Variants in PRTG observed in about 807,000 individuals in gnomAD.
PRTG encodes the protein immunoglobulin superfamily, DCC subclass, member 5.
Under a neutral mutation model 122.5 loss-of-function variants are expected in PRTG, and 67 were observed. The ratio of observed to expected loss-of-function variants is 0.55; its 90% CI spans 0.45 to 0.67. The LOEUF (loss-of-function observed/expected upper bound fraction) is 0.67. Among genes scored for constraint, PRTG ranks in the 30% least tolerant of loss-of-function variants. PRTG has a pLI of 0.00. For missense variants in PRTG, 1,435 were observed against 1,415.4 expected (o/e 1.01, Z -0.22); for synonymous variants, 554 against 501.1 (o/e 1.11, Z -1.41).
At chr15:55,682,729 A>C (rs987087594) in intron 3 of PRTG, among the ~76,000 whole-genome samples, 4 of 151,676 alleles carry the variant, frequency 2.6e-5, no homozygotes, top group Non-Finnish European at 5.9e-5. Context: ...TGCCCAGCTG[A>C]TTTCTGTATT....
At chr15:55,705,022 T>C (rs1384711279) in intron 2 of PRTG, among the ~76,000 whole-genome samples, 1 of 152,248 alleles carries the variant, frequency 6.6e-6, no homozygotes, top group East Asian at 1.9e-4. Context: ...ATATCATATG[T>C]ACATTAACTG....
Position 55,615,379 on chromosome 15 carries a change from T to C in PRTG, c.*4633A>G, listed in dbSNP as rs1249976931. 1.3e-5 allele frequency: 2 copies of C among 152,108 alleles called. No individual in the cohort carries two copies. The highest frequency in any genetic ancestry group is 1.5e-5 in the Non-Finnish European group (1 of 67,982). 9.4% of individuals were successfully genotyped at this position (152,108 alleles called of 1,614,324 possible). ...ATCTGGTAAAAATACAAGACTGTCA[T>C]GTTAATCTTAAACACCATCAACGGC... On this transcript the variant is annotated 3_prime_UTR_variant, in exon 20 of 20. Coordinates refer to ENST00000389286, the MANE Select transcript of PRTG (RefSeq NM_173814.6).
chr15:55,677,993 G>A lies in PRTG; in HGVS notation c.1185C>T (p.Cys395=). ...IIPEDDAIYQ[C]MAENSQGSIL... is the part of the protein sequence containing the mutation. ...TAGATCCTTGGCTATTCTCAGCCAT[G>A]CACTGATAAATAGCATCATCTTCAG... Residue 395 remains cysteine (C), a synonymous_variant, in exon 8 of 20, where the codon TGC becomes TGT. Transcript: ENST00000389286. The A allele has an allele frequency of 6.2e-7, 1 of 1,605,470 alleles. No homozygotes were observed.
chr15:55,678,720 A>T (rs1340361496), intron 7 of PRTG, among the ~76,000 whole-genome samples: 4 of 152,174 alleles, frequency 2.6e-5, no homozygotes, highest in Admixed American at 2.0e-4. Context: ...TTATTTTTTT[A>T]AATTTGGCTC....
At chr15:55,691,106 C>T (rs971810377) in intron 2 of PRTG, among the ~76,000 whole-genome samples, 9 of 152,012 alleles carry the variant, frequency 5.9e-5, no homozygotes, top group African/African-American at 2.2e-4. Flanking sequence ...ACCAACCTGG[C>T]CAACGTGATG....
chr15:55,641,339 A>G, intron 11 of PRTG, 131 bp from the exon 12 acceptor site: 1 of 618,358 alleles, frequency 1.6e-6, no homozygotes, highest in Non-Finnish European at 2.9e-6. Flanking sequence ...ATATAAAATT[A>G]CTGCTCATTG....
chr15:55,686,115 TC>T (rs2059568872), intron 2 of PRTG, among the ~76,000 whole-genome samples: 1 of 152,198 alleles, frequency 6.6e-6, no homozygotes, highest in Non-Finnish European at 1.5e-5. Context: ...CAACCTGATT[TC>T]TCAATAATCA....
At chr15:55,673,785 A>G in intron 9 of PRTG, 109 bp from the exon 10 acceptor site, 1 of 824,778 alleles carries the variant, frequency 1.2e-6, no homozygotes. Flanking sequence ...AAGAAGAGAC[A>G]CTTTCAGCCC....
At chr15:55,726,289 C>G (rs1481733726) in intron 2 of PRTG, among the ~76,000 whole-genome samples, 1 of 152,054 alleles carries the variant, frequency 6.6e-6, no homozygotes, top group Non-Finnish European at 1.5e-5. Flanking sequence ...GTGGGCCAGG[C>G]TGGTCTCGAA....
intron 3 of PRTG, 52 bp from the exon 4 acceptor site, chr15:55,682,549 T>TTTATTTA: frequency 2.4e-6 from 1 of 409,808 alleles, no homozygotes; most frequent in Non-Finnish European, 3.6e-6. Flanking sequence ...TCATATTTTA[T>TTTATTTA]TTATTTATTT....
rs376726279 is a variant in PRTG, at chr15:55,740,506, G to C, written c.273C>G (p.Gly91=). The change falls in exon 2 of 20, where the codon GGC becomes GGG. Residue 91 remains glycine, a synonymous_variant. Transcript: ENST00000389286. ...CTTCCACCTCACTGATGTATAAAGAGCCGTTAGAAAGAACCTCGATCCGTT... is the reference window on the plus strand; with the variant it reads ...CTTCCACCTCACTGATGTATAAAGACCCGTTAGAAAGAACCTCGATCCGTT... ...ENKRIEVLSN[G]SLYISEVEGR... is the part of the protein sequence containing the mutation. 2.5e-6 allele frequency: 4 copies of C among 1,614,032 alleles called. No individual in the cohort carries two copies. The South Asian group carries it at 4.4e-5, about 18-fold the overall frequency.
At chr15:55,635,075 G>GTGTGTGTGTGTGTGTA (rs1491171277) in intron 15 of PRTG, among the ~76,000 whole-genome samples, 2 of 87,458 alleles carry the variant, frequency 2.3e-5, no homozygotes, top group African/African-American at 1.0e-4. Flanking sequence ...TTGGTTCTGG[G>GTGTGTGTGTGTGTGTA]TGTGTGTGTG....
rs767655526 is a variant in PRTG at position 55,625,515 on chromosome 15, G to A, written c.2928-1008C>T. On this transcript the variant is annotated intron_variant, in intron 17 of 19. Coordinates refer to ENST00000389286, the MANE Select transcript of PRTG (RefSeq NM_173814.6). ...TGCCCAGGGTGGAGTGCAGTGCTAC[G>A]ATCATAGCTCACTGTAACCTCAAAC... Among the ~76,000 whole-genome samples, 9 of 151,524 alleles carry A rather than the reference G, an allele frequency of 5.9e-5. No individual in the cohort carries two copies. In the East Asian group the frequency reaches 1.4e-3, roughly 23 times the overall value.
intron 2 of PRTG, among the ~76,000 whole-genome samples, chr15:55,720,256 G>A (rs2030763478): frequency 6.6e-6 from 1 of 151,466 alleles, no homozygotes. Flanking sequence ...GGGAGGCTGG[G>A]GCAGGGAGAA....
intron 2 of PRTG, among the ~76,000 whole-genome samples, chr15:55,707,252 A>G (rs778550208): frequency 7.9e-5 from 12 of 152,220 alleles, no homozygotes; most frequent in South Asian, 2.1e-4. Context: ...CCTAAGGTTA[A>G]GAACATTTAA....
In PRTG at chr15:55,627,051, T is replaced by C. The variant is rs764188349; in HGVS notation, c.2884A>G (p.Ile962Val). The change falls in exon 17 of 20, where the codon ATC (isoleucine) becomes GTC (valine). Residue 962 changes from isoleucine to valine, a missense_variant. Ile to Val is a conservative substitution (Grantham distance 29). Coordinates refer to ENST00000389286, the MANE Select transcript of PRTG (RefSeq NM_173814.6). ...ATCAAGATGAGAACACAGATGAGGA[T>C]GCAGGTCAAGGCTATGCCAACACCT... Reference protein sequence around the residue: ...AVGVGIALTCILICVLILIYR... With the variant: ...AVGVGIALTCVLICVLILIYR... The C allele has an allele frequency of 1.2e-6, 2 of 1,612,858 alleles. No individual in the cohort carries two copies. The highest frequency in any genetic ancestry group is 8.5e-7 in the Non-Finnish European group (1 of 1,179,300).
chr15:55,672,745 C>T (rs776844896), intron 10 of PRTG, 112 bp from the exon 11 acceptor site: 17 of 699,932 alleles, frequency 2.4e-5, no homozygotes, highest in Non-Finnish European at 3.8e-5. Context: ...AGGTTCAATC[C>T]AAAAATTATA....
Position 55,679,306 on chromosome 15 carries a change from A to ACC in PRTG, c.1111_1112dup (p.Arg372ValfsTer11). 1 of 1,612,280 alleles carries ACC rather than the reference A, an allele frequency of 6.2e-7. No individual in the cohort carries two copies. Among genetic ancestry groups the ACC allele is most frequent in the Non-Finnish European group, 8.5e-7 (1 of 1,178,508 alleles). On this transcript the variant is annotated frameshift_variant, in exon 7 of 20. Transcript: ENST00000389286. LOFTEE classifies it high-confidence loss of function. ...CCTACCTGTTGTACATTTTAATTCT[A>ACC]CCATTCGAATGTATCTTCCTTCCAT...
intron 14 of PRTG, among the ~76,000 whole-genome samples, chr15:55,637,627 T>A (rs915766772): frequency 7.2e-5 from 11 of 152,168 alleles, no homozygotes; most frequent in African/African-American, 2.7e-4. Context: ...ACTAGAAATG[T>A]TTACTTCCAC....
Sources: allele counts gnomAD v4.1 joint callset (sites outside exome capture counted in the v4.1 genomes callset), GRCh38; gene constraint gnomAD v4.1.1; transcripts MANE v1.5; gene names NCBI Gene and HGNC (gene_info 2026-07-23, HGNC 2026-07-21).